The following ALK variants were observed in gnomAD, a reference collection of about 807,000 sequenced individuals.
The protein encoded by ALK is ALK receptor tyrosine kinase.
ALK carries 74 observed loss-of-function variants against 163.1 expected under a neutral mutation model. That is an observed-to-expected ratio of 0.45 (90% CI 0.38 to 0.55). The LOEUF is 0.55. Ranked by LOEUF, ALK falls within the 20% of genes least tolerant of loss-of-function variation. ALK has a pLI of 0.00. For missense variants in ALK, 2,063 were observed against 2,105.3 expected (o/e 0.98, Z 0.39); for synonymous variants, 960 against 843.2 (o/e 1.14, Z -2.40).
intron 1 of ALK, among the ~76,000 whole-genome samples, chr2:29,845,445 T>G (rs941967984): frequency 2.6e-5 from 4 of 152,216 alleles, no homozygotes; most frequent in African/African-American, 9.6e-5. Context: ...ACGACATTTT[T>G]TTTTTTGAGA....
At chr2:29,325,160 A>G (rs1329162502) in intron 6 of ALK, among the ~76,000 whole-genome samples, 1 of 152,020 alleles carries the variant, frequency 6.6e-6, no homozygotes, top group Admixed American at 6.5e-5. Flanking sequence ...TTGGTCAACT[A>G]CCCTGGCCCA....
At chr2:29,437,367 C>T (rs1387335094) in intron 4 of ALK, among the ~76,000 whole-genome samples, 1 of 152,164 alleles carries the variant, frequency 6.6e-6, no homozygotes, top group Non-Finnish European at 1.5e-5. Flanking sequence ...CATTCAGAAG[C>T]TGGCCTGACT....
intron 8 of ALK, among the ~76,000 whole-genome samples, chr2:29,305,899 C>T (rs556936540): frequency 6.6e-6 from 1 of 152,224 alleles, no homozygotes; most frequent in Admixed American, 6.5e-5. Flanking sequence ...AATGTCAGAT[C>T]AGTGCAATAG....
At chr2:29,455,490 C>T (rs1353579197) in intron 4 of ALK, among the ~76,000 whole-genome samples, 1 of 152,166 alleles carries the variant, frequency 6.6e-6, no homozygotes, top group Non-Finnish European at 1.5e-5. Flanking sequence ...CTAATTACAT[C>T]AACCTCACAA....
intron 4 of ALK, among the ~76,000 whole-genome samples, chr2:29,501,703 A>G (rs1672193164): frequency 6.6e-6 from 1 of 152,210 alleles, no homozygotes; most frequent in Non-Finnish European, 1.5e-5. Context: ...TCCATAACAT[A>G]AAATATACCA....
intron 2 of ALK, among the ~76,000 whole-genome samples, chr2:29,695,627 TA>T (rs1177975916): frequency 2.0e-5 from 3 of 152,126 alleles, no homozygotes; most frequent in African/African-American, 7.2e-5. Context: ...GACAAAGGGC[TA>T]ATAACTAGAA....
rs1669811313 is a variant in ALK at position 29,414,253 on chromosome 2, TA to T, written c.1155-30395del. On this transcript the variant is annotated intron_variant, in intron 4 of 28. Transcript: ENST00000389048. ...AGAACCCCTTACTATCTTCACATTT[TA>T]ATGAAAGGAGTTAAATTGGATGATC... 2.0e-5 allele frequency among the ~76,000 whole-genome samples: 3 copies of T among 152,230 alleles called. No individual in the cohort carries two copies. The South Asian group carries it at 6.2e-4, about 32-fold the overall frequency.
intron 1 of ALK, among the ~76,000 whole-genome samples, chr2:29,748,163 C>T (rs1353752408): frequency 6.6e-6 from 1 of 152,152 alleles, no homozygotes; most frequent in Non-Finnish European, 1.5e-5. Flanking sequence ...ATGTGACACT[C>T]GTTAGGTGTG....
intron 2 of ALK, among the ~76,000 whole-genome samples, chr2:29,712,010 T>C (rs1016763923): frequency 4.6e-5 from 7 of 152,232 alleles, no homozygotes; most frequent in Non-Finnish European, 8.8e-5. Flanking sequence ...AACATAGAGA[T>C]AAATTGTTCA....
chr2:29,469,958 G>T (rs1031648084), intron 4 of ALK, among the ~76,000 whole-genome samples: 1 of 152,152 alleles, frequency 6.6e-6, no homozygotes, highest in Non-Finnish European at 1.5e-5. Context: ...TCTGATATTG[G>T]AGTTATCAAA....
intron 5 of ALK, among the ~76,000 whole-genome samples, chr2:29,364,295 C>A (rs1668451636): frequency 6.6e-6 from 1 of 152,112 alleles, no homozygotes; most frequent in African/African-American, 2.4e-5. Context: ...GTTTCTCTGT[C>A]CCCTCCTGGA....
intron 5 of ALK, among the ~76,000 whole-genome samples, chr2:29,365,659 G>C (rs1401071237): frequency 6.6e-6 from 1 of 152,204 alleles, no homozygotes; most frequent in Admixed American, 6.5e-5. Flanking sequence ...AGTTCTACAA[G>C]CTCTGAATCT....
intron 11 of ALK, among the ~76,000 whole-genome samples, chr2:29,254,607 T>C (rs1573164658): frequency 6.6e-6 from 1 of 152,296 alleles, no homozygotes; most frequent in African/African-American, 2.4e-5. Flanking sequence ...ATAAGGTAGA[T>C]TGTACAACCT....
At chr2:29,842,085 C>T (rs1351324956) in intron 1 of ALK, among the ~76,000 whole-genome samples, 3 of 151,784 alleles carry the variant, frequency 2.0e-5, no homozygotes, top group Non-Finnish European at 4.4e-5. Flanking sequence ...CCTTCCTTCC[C>T]TCCTTCTCTT....
intron 1 of ALK, among the ~76,000 whole-genome samples, chr2:29,865,913 G>T (rs934599968): frequency 5.3e-5 from 8 of 152,088 alleles, no homozygotes; most frequent in Admixed American, 5.2e-4. Flanking sequence ...GATGCCCAAG[G>T]TCTCTCTCCC....
At chr2:29,581,328 C>T (rs1674684119) in intron 3 of ALK, among the ~76,000 whole-genome samples, 1 of 152,126 alleles carries the variant, frequency 6.6e-6, no homozygotes, top group Admixed American at 6.5e-5. Flanking sequence ...GTGGAGGTTG[C>T]AGTGAGCCGA....
At chr2:29,826,121 A>C (rs1572411429) in intron 1 of ALK, among the ~76,000 whole-genome samples, 1 of 151,390 alleles carries the variant, frequency 6.6e-6, no homozygotes, top group Admixed American at 6.6e-5. Flanking sequence ...GCCCCTCCCC[A>C]CCCCCTAGCA....
intron 5 of ALK, among the ~76,000 whole-genome samples, chr2:29,345,124 T>G (rs1232754704): frequency 6.6e-6 from 1 of 152,184 alleles, no homozygotes; most frequent in Non-Finnish European, 1.5e-5. Context: ...CCGGGCGCAG[T>G]GGCTCACATC....
At chr2:29,675,384 G>A (rs1468366583) in intron 3 of ALK, among the ~76,000 whole-genome samples, 1 of 151,912 alleles carries the variant, frequency 6.6e-6, no homozygotes, top group Non-Finnish European at 1.5e-5. Context: ...TATTTAAACA[G>A]TTATTGAAAA....
Sources: allele counts gnomAD v4.1 joint callset (sites outside exome capture counted in the v4.1 genomes callset), GRCh38; gene constraint gnomAD v4.1.1; transcripts MANE v1.5; gene names NCBI Gene and HGNC (gene_info 2026-07-23, HGNC 2026-07-21).